The following CYBA variants were observed in gnomAD, a reference collection of about 807,000 sequenced individuals.
CYBA encodes the protein cytochrome b-245 alpha chain.
In CYBA, 21 loss-of-function variants were observed where a neutral mutation model predicts 20.8. The ratio of observed to expected loss-of-function variants is 1.01; its 90% CI spans 0.72 to 1.46. CYBA has a LOEUF of 1.46. Among genes scored for constraint, CYBA ranks in the 40% most tolerant of loss-of-function variants. CYBA has a pLI of 0.00. For synonymous variants in CYBA, 164 were observed against 127.5 expected (o/e 1.29, Z -1.93); for missense variants, 344 against 287.0 (o/e 1.20, Z -1.43).
chr16:88,645,916 C>T (rs886296211), intron 5 of CYBA, 200 bp downstream of exon 5: 9 of 602,558 alleles, frequency 1.5e-5, no homozygotes, highest in Middle Eastern at 4.4e-4. Context: ...GGAAATGACC[C>T]GACACACTAG....
At position 88,645,499 on chromosome 16, in the gene CYBA, G is replaced by C. The variant is rs950396307; in HGVS notation, c.369+617C>G. On this transcript the variant is annotated intron_variant, in intron 5 of 5. Transcript: ENST00000261623. ...CCACCCAGAGACCCCCGCAGTGAGAGGTGGCCTGCAGCCGTCTGTTCCGGA... is the reference window on the plus strand; with the variant it reads ...CCACCCAGAGACCCCCGCAGTGAGACGTGGCCTGCAGCCGTCTGTTCCGGA... 17 of 687,948 alleles carry C rather than the reference G, an allele frequency of 2.5e-5. No individual in the cohort carries two copies. In the Admixed American group the frequency reaches 3.2e-4, roughly 13 times the overall value. The allele number at this position is 687,948 out of a possible 1,614,324, so 42.6% of individuals were successfully genotyped here.
chr16:88,643,538 C>T lies in CYBA; in HGVS notation c.403G>A (p.Glu135Lys), dbSNP rs114610092. ...TGCGGCCGCTCCCGGGGCTTGGGCT[C>T]GATGGGCGTCCACTGCTCGCCACGC... ...AVRGEQWTPI[E>K]PKPRERPQIG... The change falls in exon 6 of 6, where the codon GAG becomes AAG. Residue 135 changes from glutamate (E) to lysine (K), a missense_variant. By Grantham distance (56) the Glu-to-Lys change is moderately conservative. Coordinates refer to ENST00000261623, the MANE Select transcript of CYBA (RefSeq NM_000101.4). The surrounding 1 kb of genome is among the most constrained non-coding windows in gnomAD (Gnocchi z 4.3). The T allele has an allele frequency of 5.7e-4, 882 of 1,535,006 alleles. 1 individual carries two copies. The African/African-American group carries it at 9.6e-3, about 17-fold the overall frequency.
rs765324325 is a variant in CYBA at position 88,650,747 on chromosome 16, G to A, written c.58+209C>T. The A allele has an allele frequency of 2.4e-5, 15 of 621,898 alleles. 1 individual carries two copies. In the South Asian group the frequency reaches 2.7e-4, roughly 11 times the overall value. The allele number at this position is 621,898 out of a possible 1,614,324, so 38.5% of individuals were successfully genotyped here. On this transcript the variant is annotated intron_variant, in intron 1 of 5. Coordinates refer to ENST00000261623, the MANE Select transcript of CYBA (RefSeq NM_000101.4). ...GCGCCGCGCTCCGCAGGGTCTGCAA[G>A]GGAATTACTGGGGGTCTCAGAACTC... is the stretch of plus-strand genomic sequence containing the variant.
At chr16:88,649,882 T>A (rs977310357) in intron 1 of CYBA, among the ~76,000 whole-genome samples, 1 of 152,102 alleles carries the variant, frequency 6.6e-6, no homozygotes, top group South Asian at 2.1e-4. Flanking sequence ...TCCGTCTACT[T>A]CCTGTAGGGA....
At chr16:88,647,575 C>G (rs1907335801) in intron 2 of CYBA, 1 of 365,128 alleles carries the variant, frequency 2.7e-6, no homozygotes, top group African/African-American at 2.1e-5. Flanking sequence ...GGTCACAGAG[C>G]CAGGAGGCAG....
At position 88,643,386 on chromosome 16, in the gene CYBA, G is replaced by T. The variant is rs2142869404; in HGVS notation, c.555C>A (p.Val185=). The T allele has an allele frequency of 6.5e-7, 1 of 1,534,208 alleles. No individual in the cohort carries two copies. The highest frequency in any genetic ancestry group is 8.7e-7 in the Non-Finnish European group (1 of 1,142,944). ...AAGGPPGGPQ[V]NPIPVTDEVV is the part of the protein sequence containing the mutation. ...CCTCGTCGGTCACCGGGATGGGGTT[G>T]ACCTGGGGACCTCCCGGGGGTCCCC... Residue 185 remains valine (V), a synonymous_variant, in exon 6 of 6, where the codon GTC becomes GTA. Coordinates refer to ENST00000261623, the MANE Select transcript of CYBA (RefSeq NM_000101.4). This position sits in a 1 kb window ranked among gnomAD's most constrained non-coding sequence, Gnocchi z 4.3.
intron 5 of CYBA, chr16:88,645,410 C>T (rs763887342): frequency 3.3e-5 from 23 of 702,372 alleles, no homozygotes; most frequent in East Asian, 5.4e-5. Context: ...GTTGCCTCTG[C>T]GGGCAGGAGG....
At chr16:88,650,129 G>A (rs757510985) in intron 1 of CYBA, 15 of 317,742 alleles carry the variant, frequency 4.7e-5, no homozygotes, top group East Asian at 8.2e-5. Context: ...TGGTGGCAGC[G>A]GGCCCCTCCT....
chr16:88,645,725 G>A lies in CYBA; in HGVS notation c.369+391C>T, dbSNP rs146292071. ...GTCCTGGCACCGCCCATGAATCAGC[G>A]CGAATAGGGTTTAGGTGAGAAAAGC... On this transcript the variant is annotated intron_variant, in intron 5 of 5. Transcript: ENST00000261623. 7.1e-4 allele frequency: 386 copies of A among 543,024 alleles called. 1 individual carries two copies. The highest frequency in any genetic ancestry group is 6.5e-3 in the African/African-American group (345 of 53,038). The allele number at this position is 543,024 out of a possible 1,614,324, so 33.6% of individuals were successfully genotyped here. A position where few individuals can be genotyped will look rare whatever the true frequency, so the allele number is the denominator to read the frequency against.
intron 5 of CYBA, 188 bp downstream of exon 5, chr16:88,645,928 C>T (rs1907260039): frequency 2.0e-5 from 12 of 610,634 alleles, no homozygotes. Flanking sequence ...ACACACTAGA[C>T]ACGCCAAAAA....
At chr16:88,646,506 C>T (rs1308324786) in intron 4 of CYBA, 13 of 698,160 alleles carry the variant, frequency 1.9e-5, no homozygotes, top group Non-Finnish European at 3.1e-5. Flanking sequence ...GACCCCCCAG[C>T]AGTGCATGCT....
rs1258738181 is a variant in CYBA, at chr16:88,643,710, A to G, written c.370-139T>C. The G allele has an allele frequency of 1.2e-6, 1 of 826,076 alleles. No individual in the cohort carries two copies. The highest frequency in any genetic ancestry group is 1.6e-5 in the South Asian group (1 of 64,210). The allele number at this position is 826,076 out of a possible 1,614,324, so 51.2% of individuals were successfully genotyped here. On this transcript the variant is annotated intron_variant, in intron 5 of 5. Coordinates refer to ENST00000261623, the MANE Select transcript of CYBA (RefSeq NM_000101.4). The surrounding 1 kb of genome is among the most constrained non-coding windows in gnomAD (Gnocchi z 4.3). ...ACGCAGGATGGTGTGACTGCCACTC[A>G]GAGAGGTTAAGTGACGCGCCCGAGG...
At chr16:88,648,365 G>A (rs1907367486) in intron 1 of CYBA, among the ~76,000 whole-genome samples, 1 of 152,176 alleles carries the variant, frequency 6.6e-6, no homozygotes, top group Non-Finnish European at 1.5e-5. Flanking sequence ...GAGTGGCCAA[G>A]GACAGCCCGA....
chr16:88,644,300 T>C lies in CYBA; in HGVS notation c.370-729A>G, dbSNP rs72558347. Among the ~76,000 whole-genome samples, 118 of 152,268 alleles carry C rather than the reference T, an allele frequency of 7.7e-4. 1 individual carries two copies. Among genetic ancestry groups the C allele is most frequent in the African/African-American group, 2.7e-3 (112 of 41,530 alleles). On this transcript the variant is annotated intron_variant, in intron 5 of 5. Coordinates refer to ENST00000261623, the MANE Select transcript of CYBA (RefSeq NM_000101.4). ...CTGAAAAGCAAAACTAGAAGGCTGA[T>C]AGAAGAAAAGGCAGGAACGTGAAGG...
chr16:88,645,823 C>T, intron 5 of CYBA: 1 of 557,986 alleles, frequency 1.8e-6, no homozygotes, highest in East Asian at 3.0e-5. Context: ...CAGCACCTCC[C>T]TGAGCCTCCG....
At position 88,646,214 on chromosome 16, in the gene CYBA, G is replaced by A; in HGVS notation, c.288-17C>T. 3.7e-6 allele frequency: 5 copies of A among 1,364,574 alleles called. No individual in the cohort carries two copies. Among genetic ancestry groups the A allele is most frequent in the Non-Finnish European group, 4.8e-6 (5 of 1,051,670 alleles). The allele number at this position is 1,364,574 out of a possible 1,614,324, so 84.5% of individuals were successfully genotyped here. A position where few individuals can be genotyped will look rare whatever the true frequency, so the allele number is the denominator to read the frequency against. ...ACCGAGAGCCTGGGGGACAGCGGGT[G>A]AGAGGCAGGGACACAGAAGGGCACT... On this transcript the variant is annotated splice_polypyrimidine_tract_variant and intron_variant, in intron 4 of 5. Transcript: ENST00000261623.
chr16:88,647,615 C>A (rs1022795574), intron 2 of CYBA: 2 of 366,944 alleles, frequency 5.5e-6, no homozygotes, highest in Non-Finnish European at 5.2e-6. Flanking sequence ...GTCTGGCACT[C>A]GGGGCTGCCC....
intron 2 of CYBA, among the ~76,000 whole-genome samples, chr16:88,647,438 CTGAGG>C (rs989612478): frequency 4.6e-5 from 7 of 152,198 alleles, no homozygotes; most frequent in African/African-American, 1.7e-4. Flanking sequence ...ACTCCAGAGG[CTGAGG>C]TAAGAGGGTG....
At chr16:88,645,484 AC>A (rs1386861684) in intron 5 of CYBA, 4 of 692,864 alleles carry the variant, frequency 5.8e-6, no homozygotes, top group African/African-American at 5.3e-5. Flanking sequence ...CCACCCAGAG[AC>A]CCCCGCAGTG....
Sources: allele counts gnomAD v4.1 joint callset (sites outside exome capture counted in the v4.1 genomes callset), GRCh38; gene constraint gnomAD v4.1.1; non-coding constraint Gnocchi (gnomAD v3.1); transcripts MANE v1.5; gene names NCBI Gene and HGNC (gene_info 2026-07-23, HGNC 2026-07-21).